The following GALNT12 variants were observed in gnomAD, a reference collection of about 807,000 sequenced individuals.
The protein encoded by GALNT12 is UDP-GalNAc:polypeptide N-acetylgalactosaminyltransferase 12.
A neutral mutation model predicts 55.5 loss-of-function variants in GALNT12; 45 were observed. That is an observed-to-expected ratio of 0.81 (90% confidence interval 0.64 to 1.04). The LOEUF (loss-of-function observed/expected upper bound fraction) is 1.04. Ranked by LOEUF, GALNT12 falls within the 50% of genes least tolerant of loss-of-function variation. The pLI is 0.00. For synonymous variants in GALNT12, 304 were observed against 312.2 expected, an observed-to-expected ratio of 0.97 and a Z score of 0.28; for missense variants, 709 against 754.8, an observed-to-expected ratio of 0.94 and a Z score of 0.71.
rs1365288282 is a variant in GALNT12 at position 98,816,279 on chromosome 9, A to G, written c.372-6977A>G. ...TAAAGCTCTGAATATTAATTGAAAAATTGGCACCCAGCCTTCTTGTGATTT... is the reference window on the plus strand; with the variant it reads ...TAAAGCTCTGAATATTAATTGAAAAGTTGGCACCCAGCCTTCTTGTGATTT... On this transcript the variant is annotated intron_variant, in intron 1 of 9. Coordinates refer to ENST00000375011, the MANE Select transcript of GALNT12 (RefSeq NM_024642.5). Among the ~76,000 whole-genome samples, 5 of 152,014 alleles carry G rather than the reference A, an allele frequency of 3.3e-5. No homozygotes were observed. The South Asian group carries it at 1.0e-3, about 32-fold the overall frequency.
rs770344167 is a variant in GALNT12, at chr9:98,808,022, C to T, written c.324C>T (p.Ser108=). The T allele has an allele frequency of 1.1e-5, 17 of 1,572,326 alleles. No homozygotes were observed. The highest frequency in any genetic ancestry group is 2.1e-4 in the Middle Eastern group (1 of 4,714). ...VRLHQINIYL[S]DRISLHRRLP... is the part of the protein sequence containing the mutation. ...TGCACCAGATTAACATCTACCTCAG[C>T]GACCGCATCTCACTGCACCGCCGCC... The change falls in exon 1 of 10, where the codon AGC becomes AGT. Residue 108 remains serine (S), a synonymous_variant. Coordinates refer to ENST00000375011, the MANE Select transcript of GALNT12 (RefSeq NM_024642.5).
chr9:98,831,258 C>T (rs915060300), intron 3 of GALNT12, among the ~76,000 whole-genome samples: 1 of 152,218 alleles, frequency 6.6e-6, no homozygotes, highest in Non-Finnish European at 1.5e-5. Context: ...CTCACATTAA[C>T]CCTCTGAATG....
Position 98,826,820 on chromosome 9 carries a change from A to T in GALNT12, c.610A>T (p.Lys204Ter). The change falls in exon 3 of 10, where the codon AAG becomes TAG. Residue 204 changes from lysine to a stop codon, truncating the protein, a stop_gained. Coordinates refer to ENST00000375011, the MANE Select transcript of GALNT12 (RefSeq NM_024642.5). LOFTEE classifies it high-confidence loss of function. The stretch of plus-strand genomic sequence containing the variant: ...CAAGGTGCGCCTGATCCGCGCCAAC[A>T]AGAGAGAGGGCCTGGTGCGAGCCCG... ...LPKVRLIRAN[K>*]REGLVRARLL... 1.2e-6 allele frequency: 2 copies of T among 1,612,208 alleles called. No homozygotes were observed. The highest frequency in any genetic ancestry group is 2.2e-5 in the South Asian group (2 of 90,654).
intron 1 of GALNT12, among the ~76,000 whole-genome samples, chr9:98,809,403 G>C (rs1048241828): frequency 6.6e-6 from 1 of 152,244 alleles, no homozygotes; most frequent in Non-Finnish European, 1.5e-5. Context: ...CCCCGAGGGT[G>C]CCCGCTGAGG....
In GALNT12 at chr9:98,831,686, A is replaced by G. The variant is rs185917691; in HGVS notation, c.732-86A>G. On this transcript the variant is annotated intron_variant, in intron 3 of 9. Coordinates refer to ENST00000375011, the MANE Select transcript of GALNT12 (RefSeq NM_024642.5). ...GTTCCTCCCTCTTATTGGAAGGAAG[A>G]CAAGAATTCACCCTTGAATTTCCCA... is the stretch of plus-strand genomic sequence containing the variant. 274 of 1,435,074 alleles carry G rather than the reference A, an allele frequency of 1.9e-4. No individual in the cohort carries two copies. The African/African-American group carries it at 3.6e-3, about 19-fold the overall frequency. The allele number at this position is 1,435,074 out of a possible 1,614,324, so 88.9% of individuals were successfully genotyped here. A position where few individuals can be genotyped will look rare whatever the true frequency, so the allele number is the denominator to read the frequency against.
rs1835871198 is a variant in GALNT12 at position 98,826,917 on chromosome 9, G to T, written c.707G>T (p.Gly236Val). Residue 236 changes from glycine (G) to valine (V), a missense_variant, in exon 3 of 10, where the codon GGG becomes GTG. Physicochemically the swap from Gly to Val is moderately radical, Grantham distance 109. Transcript: ENST00000375011. Reference sequence around the variant, plus strand: ...GACTGTCACTGTGAGTGCCACGAAGGGTGGCTGGAGCCGCTGCTGCAGAGG... The same window carrying T: ...GACTGTCACTGTGAGTGCCACGAAGTGTGGCTGGAGCCGCTGCTGCAGAGG... ...FLDCHCECHE[G>V]WLEPLLQRIH... is the part of the protein sequence containing the mutation. 1 of 1,569,918 alleles carries T rather than the reference G, an allele frequency of 6.4e-7. No individual in the cohort carries two copies. The highest frequency in any genetic ancestry group is 8.6e-7 in the Non-Finnish European group (1 of 1,157,430).
At chr9:98,821,155 G>A (rs549672466) in intron 1 of GALNT12, among the ~76,000 whole-genome samples, 5 of 152,212 alleles carry the variant, frequency 3.3e-5, no homozygotes, top group East Asian at 3.9e-4. Flanking sequence ...GGTTATAGGC[G>A]TGTGCCATCA....
At chr9:98,833,454 T>C (rs1836051993) in intron 4 of GALNT12, among the ~76,000 whole-genome samples, 1 of 152,034 alleles carries the variant, frequency 6.6e-6, no homozygotes, top group Non-Finnish European at 1.5e-5. Flanking sequence ...CCTGAGCAGG[T>C]AGAAGCCACT....
chr9:98,847,819 T>C (rs1446040737), intron 9 of GALNT12, among the ~76,000 whole-genome samples: 16 of 148,526 alleles, frequency 1.1e-4, no homozygotes, highest in Admixed American at 1.3e-4. Context: ...ATCTTTTTTT[T>C]TTTTTTTTTT....
At chr9:98,843,137 T>A (rs980948402) in intron 7 of GALNT12, among the ~76,000 whole-genome samples, 1 of 152,220 alleles carries the variant, frequency 6.6e-6, no homozygotes, top group African/African-American at 2.4e-5. Flanking sequence ...AATGTAGTCT[T>A]GAAAAATTTT....
chr9:98,823,313 A>G lies in GALNT12; in HGVS notation c.429A>G (p.Ala143=). 1 of 1,614,084 alleles carries G rather than the reference A, an allele frequency of 6.2e-7. No homozygotes were observed. Among genetic ancestry groups the G allele is most frequent in the Non-Finnish European group, 8.5e-7 (1 of 1,179,888 alleles). ...DNLPRTSVII[A]FYNEAWSTLL... The stretch of plus-strand genomic sequence containing the variant: ...TGCCCAGGACATCTGTTATCATAGC[A>G]TTTTATAATGAAGCCTGGTCAACTC... Residue 143 remains alanine (A), a synonymous_variant, in exon 2 of 10, where the codon GCA becomes GCG. Coordinates refer to ENST00000375011, the MANE Select transcript of GALNT12 (RefSeq NM_024642.5).
intron 1 of GALNT12, among the ~76,000 whole-genome samples, chr9:98,808,904 C>T (rs913530927): frequency 6.6e-6 from 1 of 152,158 alleles, no homozygotes; most frequent in African/African-American, 2.4e-5. Flanking sequence ...TTTTTTGAGC[C>T]CCTTCCTTAC....
intron 1 of GALNT12, among the ~76,000 whole-genome samples, chr9:98,812,228 C>T (rs1461930080): frequency 1.3e-5 from 2 of 152,092 alleles, no homozygotes; most frequent in Non-Finnish European, 2.9e-5. Context: ...TTTTCTTTCA[C>T]TCATTCTGTG....
intron 1 of GALNT12, among the ~76,000 whole-genome samples, chr9:98,818,740 ACTTT>A (rs1275263600): frequency 6.6e-6 from 1 of 152,156 alleles, no homozygotes; most frequent in Non-Finnish European, 1.5e-5. Flanking sequence ...TCTGTCAGAC[ACTTT>A]CTTTGTGATT....
At chr9:98,827,213 CAG>C (rs534913943) in intron 3 of GALNT12, among the ~76,000 whole-genome samples, 124 of 152,254 alleles carry the variant, frequency 8.1e-4, no homozygotes, top group African/African-American at 2.9e-3. Flanking sequence ...TTTTTTGAGA[CAG>C]AGTTTCACTC....
Position 98,837,016 on chromosome 9 carries a change from T to C in GALNT12, c.1080T>C (p.His360=). The change falls in exon 6 of 10, where the codon CAT becomes CAC. Residue 360 remains histidine, a synonymous_variant. Transcript: ENST00000375011. ...GGVLETHPCS[H]VGHVFPKQAP... Reference sequence around the variant, plus strand: ...TTCTGGAAACACACCCATGTTCCCATGTTGGCCATGTTTTCCCCAAGCAAG... The same window carrying C: ...TTCTGGAAACACACCCATGTTCCCACGTTGGCCATGTTTTCCCCAAGCAAG... The C allele has an allele frequency of 6.2e-7, 1 of 1,614,216 alleles. No individual in the cohort carries two copies. The highest frequency in any genetic ancestry group is 1.1e-5 in the South Asian group (1 of 91,084).
rs772466597 is a variant in GALNT12 at position 98,831,842 on chromosome 9, C to G, written c.802C>G (p.Leu268Val). 60 of 1,614,046 alleles carry G rather than the reference C, an allele frequency of 3.7e-5. No homozygotes were observed. The highest frequency in any genetic ancestry group is 4.9e-5 in the Non-Finnish European group (58 of 1,180,046). Residue 268 changes from leucine (L) to valine (V), a missense_variant, in exon 4 of 10, where the codon CTG (leucine) becomes GTG (valine). This residue lies in a region of GALNT12 where 315 missense variants were observed against 288.6 expected (regional missense o/e 1.09). Transcript: ENST00000375011. ...DVIDWNTFEYLGNSGEPQIGG... is the reference protein window; with the variant it reads ...DVIDWNTFEYVGNSGEPQIGG... ...GATCGACTGGAACACCTTCGAATAC[C>G]TGGGGAACTCCGGGGAGCCCCAGAT...
chr9:98,819,743 T>C (rs1207295779), intron 1 of GALNT12, among the ~76,000 whole-genome samples: 2 of 151,182 alleles, frequency 1.3e-5, no homozygotes, highest in Non-Finnish European at 2.9e-5. Context: ...GAAGGCCAGG[T>C]GGGGAGATGT....
At chr9:98,835,033 T>G (rs948624079) in intron 4 of GALNT12, among the ~76,000 whole-genome samples, 1 of 152,166 alleles carries the variant, frequency 6.6e-6, no homozygotes, top group Non-Finnish European at 1.5e-5. Context: ...CACATAGTAC[T>G]TACCTGCTGA....
Sources: gnomAD v4.1 joint callset for allele counts (sites outside exome capture counted in the v4.1 genomes callset) on GRCh38, gnomAD v4.1.1 for gene constraint, gnomAD v4.1.1 regional missense constraint, MANE v1.5 for transcripts, NCBI Gene and HGNC (gene_info 2026-07-23, HGNC 2026-07-21) for gene names.